Variants in NEK5 observed in about 807,000 individuals in gnomAD.
NEK5 encodes the protein NIMA related kinase 5.
In NEK5, 88 loss-of-function variants were observed where a neutral mutation model predicts 109.2. The observed-to-expected ratio is 0.81, with a 90% CI of 0.68 to 0.96. NEK5 has a LOEUF of 0.96. Among genes scored for constraint, NEK5 ranks in the 40% least tolerant of loss-of-function variants. The probability of loss-of-function intolerance (pLI) is 0.00; values close to 1 mark genes in which losing one functional copy is unlikely to be tolerated. For synonymous variants in NEK5, 283 were observed against 299.9 expected (o/e 0.94, Z 0.58); for missense variants, 834 against 920.7 (o/e 0.91, Z 1.22).
chr13:52,060,088 G>C (rs568169106), intron 22 of NEK5, among the ~76,000 whole-genome samples: 53 of 151,896 alleles, frequency 3.5e-4, no homozygotes, highest in African/African-American at 1.3e-3. Flanking sequence ...TAAATGATAG[G>C]TATTCATTAT....
intron 4 of NEK5, 23 bp from the exon 5 acceptor site, chr13:52,112,388 G>T: frequency 6.9e-7 from 1 of 1,448,982 alleles, no homozygotes; most frequent in Non-Finnish European, 9.7e-7. Context: ...GAATCATTTG[G>T]TGCTGGAAGG....
chr13:52,048,461 A>G (rs1473812818), intron 23 of NEK5, among the ~76,000 whole-genome samples: 3 of 152,086 alleles, frequency 2.0e-5, no homozygotes, highest in Non-Finnish European at 4.4e-5. Flanking sequence ...AATACCAACA[A>G]CAACAAAATT....
At chr13:52,123,723 A>T (rs1956013251) in intron 3 of NEK5, among the ~76,000 whole-genome samples, 1 of 152,214 alleles carries the variant, frequency 6.6e-6, no homozygotes, top group African/African-American at 2.4e-5. Context: ...AAGCATGTCC[A>T]GAAAGAAAGC....
At chr13:52,125,338 TG>T (rs1452805831) in intron 3 of NEK5, among the ~76,000 whole-genome samples, 1 of 151,948 alleles carries the variant, frequency 6.6e-6, no homozygotes, top group Non-Finnish European at 1.5e-5. Context: ...CCGAGGCGGG[TG>T]GATCACGAAG....
intron 14 of NEK5, 118 bp from the exon 15 acceptor site, chr13:52,087,572 GGA>G: frequency 1.9e-6 from 1 of 539,034 alleles, no homozygotes; most frequent in Non-Finnish European, 3.3e-6. Context: ...TCAGTATTTG[GGA>G]GTTTTTTTTG....
chr13:52,087,210 A>G (rs1396434302), intron 15 of NEK5, 128 bp downstream of exon 15: 21 of 565,240 alleles, frequency 3.7e-5, no homozygotes, highest in Non-Finnish European at 6.7e-5. Context: ...TGTATCCCCT[A>G]TAACACTCAG....
At chr13:52,106,518 C>T (rs1220666728) in intron 8 of NEK5, among the ~76,000 whole-genome samples, 1 of 152,166 alleles carries the variant, frequency 6.6e-6, no homozygotes, top group Non-Finnish European at 1.5e-5. Context: ...GCAATCCCAG[C>T]ACTTTGAGAG....
chr13:52,071,878 C>G lies in NEK5; in HGVS notation c.1849+66G>C, dbSNP rs1954790006. 23 of 1,438,636 alleles carry G rather than the reference C, an allele frequency of 1.6e-5. No individual in the cohort carries two copies. In the South Asian group the frequency reaches 2.5e-4, roughly 16 times the overall value. The allele number at this position is 1,438,636 out of a possible 1,614,324, so 89.1% of individuals were successfully genotyped here. On this transcript the variant is annotated intron_variant, in intron 20 of 23. Coordinates refer to ENST00000684899, the MANE Select transcript of NEK5 (RefSeq NM_001365552.1). ...TGGAGCCGAGGCAGATGCATGGGGACAGAGTTCAAAATGGGTTGCTAATAA... is the reference window on the plus strand; with the variant it reads ...TGGAGCCGAGGCAGATGCATGGGGAGAGAGTTCAAAATGGGTTGCTAATAA...
At chr13:52,116,700 T>C (rs1199455991) in intron 4 of NEK5, among the ~76,000 whole-genome samples, 1 of 152,222 alleles carries the variant, frequency 6.6e-6, no homozygotes, top group Non-Finnish European at 1.5e-5. Context: ...TTGTGTTCAT[T>C]TGTTATGTAG....
chr13:52,062,545 C>T (rs139712289), intron 21 of NEK5, among the ~76,000 whole-genome samples: 26 of 151,956 alleles, frequency 1.7e-4, no homozygotes, highest in African/African-American at 5.8e-4. Flanking sequence ...CTCAGCCTCC[C>T]GAGTAGCTGG....
intron 22 of NEK5, among the ~76,000 whole-genome samples, chr13:52,055,945 C>A (rs1166194887): frequency 1.3e-5 from 2 of 151,432 alleles, no homozygotes; most frequent in Non-Finnish European, 2.9e-5. Flanking sequence ...TCACACATAA[C>A]AATATTAACT....
chr13:52,065,133 A>T (rs566032840), intron 21 of NEK5: 54 of 166,956 alleles, frequency 3.2e-4, no homozygotes, highest in East Asian at 1.7e-3. Context: ...AATAAAAATT[A>T]AAAAAAAAAA....
At position 52,099,742 on chromosome 13, in the gene NEK5, C is replaced by G. The variant is rs1472997931; in HGVS notation, c.1026+1G>C. On this transcript the variant is annotated splice_donor_variant, in intron 12 of 23. Transcript: ENST00000684899. LOFTEE classifies it high-confidence loss of function. ...ACAAAGGAGGGTTTAGAATGACTTA[C>G]AGATCTGGCCTTCTGGGCTCCAGCT... 1 of 1,612,408 alleles carries G rather than the reference C, an allele frequency of 6.2e-7. No individual in the cohort carries two copies. The highest frequency in any genetic ancestry group is 1.1e-5 in the South Asian group (1 of 90,584).
At chr13:52,063,965 G>C (rs1400587898) in intron 21 of NEK5, among the ~76,000 whole-genome samples, 6 of 143,486 alleles carry the variant, frequency 4.2e-5, no homozygotes, top group African/African-American at 1.5e-4. Flanking sequence ...TCAGCCCCCC[G>C]CCCAGCCAGC....
At chr13:52,125,670 ACTT>A (rs1956052337) in intron 3 of NEK5, among the ~76,000 whole-genome samples, 1 of 152,220 alleles carries the variant, frequency 6.6e-6, no homozygotes, top group African/African-American at 2.4e-5. Context: ...AGAGAGATCT[ACTT>A]ATTGGTAAAC....
chr13:52,094,157 A>G (rs1332489156), intron 12 of NEK5, among the ~76,000 whole-genome samples: 1 of 152,236 alleles, frequency 6.6e-6, no homozygotes, highest in Non-Finnish European at 1.5e-5. Flanking sequence ...ATGACAGTTT[A>G]TCTTCCAACT....
chr13:52,085,652 A>G (rs772560091), intron 16 of NEK5, among the ~76,000 whole-genome samples: 12 of 152,218 alleles, frequency 7.9e-5, no homozygotes, highest in Non-Finnish European at 1.0e-4. Context: ...TAGTGTTTCA[A>G]TAGCCATGTG....
In NEK5 at chr13:52,061,851, G is replaced by C; in HGVS notation, c.2078C>G (p.Thr693Arg). ...LMSVLAAAHLTSSSFSADEEF... is the reference protein window; with the variant it reads ...LMSVLAAAHLRSSSFSADEEF... ...TTCATCGGCAGAAAATGAGCTACTC[G>C]TTAGATGTGCTGCTGCCAAAACACT... Residue 693 changes from threonine (T) to arginine (R), a missense_variant, in exon 22 of 24, where the codon ACG becomes AGG. Thr to Arg is a moderately conservative substitution (Grantham distance 71). Transcript: ENST00000684899. 1 of 985,792 alleles carries C rather than the reference G, an allele frequency of 1.0e-6. No individual in the cohort carries two copies. 61.1% of individuals were successfully genotyped at this position (985,792 alleles called of 1,614,324 possible). A position where few individuals can be genotyped will look rare whatever the true frequency, so the allele number is the denominator to read the frequency against.
intron 23 of NEK5, among the ~76,000 whole-genome samples, chr13:52,043,620 G>C (rs1342356368): frequency 6.6e-6 from 1 of 151,590 alleles, no homozygotes; most frequent in Non-Finnish European, 1.5e-5. Context: ...TTTCCAACTT[G>C]AATCATACCA....
Sources: allele counts gnomAD v4.1 joint callset (sites outside exome capture counted in the v4.1 genomes callset), GRCh38; gene constraint gnomAD v4.1.1; transcripts MANE v1.5; gene names NCBI Gene and HGNC (gene_info 2026-07-23, HGNC 2026-07-21).